The following RNF139 variants were observed in gnomAD, a reference collection of about 807,000 sequenced individuals.
RNF139 encodes E3 ubiquitin-protein ligase RNF139.
RNF139 carries 15 observed loss-of-function variants against 49.5 expected under a neutral mutation model. The observed-to-expected ratio is 0.30, with a 90% CI of 0.20 to 0.47. The LOEUF (loss-of-function observed/expected upper bound fraction) is 0.47. Ranked by LOEUF, RNF139 falls within the 20% of genes least tolerant of loss-of-function variation. The pLI is 1.00. For missense variants in RNF139, 619 were observed against 806.3 expected (o/e 0.77, Z 2.81); for synonymous variants, 325 against 300.9 (o/e 1.08, Z -0.83).
At position 124,486,888 on chromosome 8, in the gene RNF139, C is replaced by T. The variant is rs748223105; in HGVS notation, c.1239C>T (p.His413=). Residue 413 remains histidine (H), a synonymous_variant, in exon 2 of 2, where the codon CAC becomes CAT. Coordinates refer to ENST00000303545, the MANE Select transcript of RNF139 (RefSeq NM_007218.4). The stretch of plus-strand genomic sequence containing the variant: ...TACTCAGTTATGTTCTTTGGCATCA[C>T]TATGCACTAAATACATGGTTGTTTG... The part of the protein sequence containing the change: ...PVLLSYVLWH[H]YALNTWLFAV... 9 of 1,613,852 alleles carry T rather than the reference C, an allele frequency of 5.6e-6. No homozygotes were observed. In the African/African-American group the frequency reaches 1.2e-4, roughly 22 times the overall value.
intron 1 of RNF139, among the ~76,000 whole-genome samples, chr8:124,479,931 G>C (rs909716720): frequency 2.9e-4 from 44 of 151,918 alleles, no homozygotes; most frequent in African/African-American, 1.1e-3. Context: ...GTCACTTCTA[G>C]GTTGAGCAGT....
intron 1 of RNF139, among the ~76,000 whole-genome samples, chr8:124,477,566 T>C (rs1170472210): frequency 6.6e-6 from 1 of 152,220 alleles, no homozygotes; most frequent in Non-Finnish European, 1.5e-5. Context: ...CCCCTCTACC[T>C]ACAAAATGGT....
Position 124,486,974 on chromosome 8 carries a change from C to G in RNF139, c.1325C>G (p.Thr442Arg). The G allele has an allele frequency of 6.2e-7, 1 of 1,613,974 alleles. No individual in the cohort carries two copies. Among genetic ancestry groups the G allele is most frequent in the Non-Finnish European group, 8.5e-7 (1 of 1,179,950 alleles). The part of the protein sequence containing the change: ...LKVIVSLTVY[T>R]LFMIDGYYNV... Reference sequence around the variant, plus strand: ...GTAATTGTTTCTCTCACTGTTTATACGTTATTCATGATTGATGGCTACTAT... The same window carrying G: ...GTAATTGTTTCTCTCACTGTTTATAGGTTATTCATGATTGATGGCTACTAT... The change falls in exon 2 of 2, where the codon ACG becomes AGG. Residue 442 changes from threonine to arginine, a missense_variant. By Grantham distance (71) the Thr-to-Arg change is moderately conservative (BLOSUM62 -1). Around this residue, in one of 2 missense-constraint regions of RNF139, gnomAD observed 530 missense variants for 728.9 expected, o/e 0.73. Transcript: ENST00000303545.
chr8:124,486,965 C>G lies in RNF139; in HGVS notation c.1316C>G (p.Thr439Ser). 1 of 1,614,042 alleles carries G rather than the reference C, an allele frequency of 6.2e-7. No individual in the cohort carries two copies. The highest frequency in any genetic ancestry group is 8.5e-7 in the Non-Finnish European group (1 of 1,179,968). The change falls in exon 2 of 2, where the codon ACT (threonine) becomes AGT (serine). Residue 439 changes from threonine to serine, a missense_variant. Around this residue, in one of 2 missense-constraint regions of RNF139, gnomAD observed 530 missense variants for 728.9 expected, o/e 0.73. Transcript: ENST00000303545. ...ELCLKVIVSLTVYTLFMIDGY... is the reference protein window; with the variant it reads ...ELCLKVIVSLSVYTLFMIDGY... ...TGCTTAAAAGTAATTGTTTCTCTCA[C>G]TGTTTATACGTTATTCATGATTGAT...
chr8:124,488,447 GAAA>G lies in RNF139; in HGVS notation c.*806_*808del. On this transcript the variant is annotated 3_prime_UTR_variant, in exon 2 of 2. Coordinates refer to ENST00000303545, the MANE Select transcript of RNF139 (RefSeq NM_007218.4). ...AAAACATCCTGATCTGATTTTACGA[GAAA>G]AAGAAGGGGAATGGTGGGGAATGGT... The G allele has an allele frequency of 2.1e-6, 1 of 480,194 alleles. No homozygotes were observed. 29.7% of individuals were successfully genotyped at this position (480,194 alleles called of 1,614,324 possible).
chr8:124,486,452 T>C lies in RNF139; in HGVS notation c.803T>C (p.Ile268Thr), dbSNP rs1167801008. Residue 268 changes from isoleucine to threonine, a missense_variant, in exon 2 of 2, where the codon ATT becomes ACT. Ile to Thr is a moderately conservative substitution (Grantham distance 89). This residue lies in a region of RNF139 where 530 missense variants were observed against 728.9 expected (regional missense o/e 0.73). Coordinates refer to ENST00000303545, the MANE Select transcript of RNF139 (RefSeq NM_007218.4). The stretch of plus-strand genomic sequence containing the variant: ...GCAAATGAAACTGATTCCTTCTTTA[T>C]TTCTTGGGATGATTTTTGGGACCTC... Reference protein sequence around the residue: ...RMANETDSFFISWDDFWDLIC... With the variant: ...RMANETDSFFTSWDDFWDLIC... 1 of 1,614,154 alleles carries C rather than the reference T, an allele frequency of 6.2e-7. No homozygotes were observed. Among genetic ancestry groups the C allele is most frequent in the Non-Finnish European group, 8.5e-7 (1 of 1,180,024 alleles).
In RNF139 at chr8:124,474,906, C is replaced by T. The variant is rs1816280297; in HGVS notation, c.-204C>T. ...GAGACCTCCTGGGGAGCCGCCGCCG[C>T]CGCCCTCTCGGCCATCGCTGCCTCC... On this transcript the variant is annotated 5_prime_UTR_variant, in exon 1 of 2. Transcript: ENST00000303545. This position sits in a 1 kb window ranked among gnomAD's most constrained non-coding sequence, Gnocchi z 4.6. 6.0e-6 allele frequency: 2 copies of T among 332,864 alleles called. No individual in the cohort carries two copies. Among genetic ancestry groups the T allele is most frequent in the Admixed American group, 5.0e-5 (1 of 20,156 alleles). The allele number at this position is 332,864 out of a possible 1,614,324, so 20.6% of individuals were successfully genotyped here.
chr8:124,477,002 G>A (rs1245603358), intron 1 of RNF139, among the ~76,000 whole-genome samples: 1 of 152,180 alleles, frequency 6.6e-6, no homozygotes, highest in Non-Finnish European at 1.5e-5. Context: ...CAACTGCTCA[G>A]TGCTTTGGTT....
Position 124,486,365 on chromosome 8 carries a change from G to A in RNF139, c.716G>A (p.Arg239Gln), listed in dbSNP as rs767929334. The A allele has an allele frequency of 3.1e-6, 5 of 1,613,962 alleles. No individual in the cohort carries two copies. The Admixed American group carries it at 5.0e-5, about 16-fold the overall frequency. Reference protein sequence around the residue: ...WKRIRFPDILRVFWLTRVTAQ... With the variant: ...WKRIRFPDILQVFWLTRVTAQ... ...AGGATTCGTTTCCCAGACATACTAC[G>A]AGTCTTTTGGCTAACAAGAGTTACA... The change falls in exon 2 of 2, where the codon CGA (arginine) becomes CAA (glutamine). Residue 239 changes from arginine to glutamine, a missense_variant. Arg to Gln is a conservative substitution (Grantham distance 43, BLOSUM62 1). Transcript: ENST00000303545.
At chr8:124,478,401 G>A (rs972398338) in intron 1 of RNF139, among the ~76,000 whole-genome samples, 1 of 152,004 alleles carries the variant, frequency 6.6e-6, no homozygotes, top group South Asian at 2.1e-4. Flanking sequence ...CAGATTGCTT[G>A]AGGCCAGGAG....
At position 124,475,277 on chromosome 8, in the gene RNF139, C is replaced by T. The variant is rs756664894; in HGVS notation, c.168C>T (p.Phe56=). ...QSRFCIVLQI[F]LRLFGVFASS... is the part of the protein sequence containing the mutation. The stretch of plus-strand genomic sequence containing the variant: ...GGTTCTGCATCGTGCTCCAGATCTT[C>T]CTCCGGCTCTTTGGTAAGGGAACAG... The change falls in exon 1 of 2, where the codon TTC becomes TTT. Residue 56 remains phenylalanine (F), a synonymous_variant. Coordinates refer to ENST00000303545, the MANE Select transcript of RNF139 (RefSeq NM_007218.4). The T allele has an allele frequency of 1.9e-5, 31 of 1,613,018 alleles. No homozygotes were observed. Among genetic ancestry groups the T allele is most frequent in the Non-Finnish European group, 2.6e-5 (31 of 1,179,498 alleles).
chr8:124,477,790 A>G (rs550470485), intron 1 of RNF139, among the ~76,000 whole-genome samples: 1 of 152,352 alleles, frequency 6.6e-6, no homozygotes, highest in African/African-American at 2.4e-5. Flanking sequence ...TCCAAGGCAG[A>G]AAATGCAAGC....
intron 1 of RNF139, among the ~76,000 whole-genome samples, chr8:124,482,943 AATATATATATATATAAT>A (rs1157672585): frequency 2.1e-5 from 2 of 94,602 alleles, no homozygotes; most frequent in Non-Finnish European, 4.1e-5. Flanking sequence ...TATAAAAAAA[AATATATATATATATAAT>A]ATATATATAT....
At chr8:124,485,526 A>G (rs759488675) in intron 1 of RNF139, among the ~76,000 whole-genome samples, 2 of 152,218 alleles carry the variant, frequency 1.3e-5, no homozygotes, top group Non-Finnish European at 2.9e-5. Context: ...TACCACTACA[A>G]ATTCATCTTG....
Position 124,475,309 on chromosome 8 carries a change from G to T in RNF139, c.181+19G>T, listed in dbSNP as rs746648375. ...CTCTTTGGTAAGGGAACAGGGTACC[G>T]TACGTCCCGGGACGGCTATGCGGGC... On this transcript the variant is annotated intron_variant, in intron 1 of 1. Transcript: ENST00000303545. The T allele has an allele frequency of 3.8e-6, 6 of 1,597,458 alleles. No individual in the cohort carries two copies. The East Asian group carries it at 1.2e-4, about 31-fold the overall frequency.
In RNF139 at chr8:124,486,633, T is replaced by C; in HGVS notation, c.984T>C (p.Pro328=). The C allele has an allele frequency of 6.2e-7, 1 of 1,614,190 alleles. No homozygotes were observed. The part of the protein sequence containing the change: ...EDDRRLGFVA[P]VLFFILALQT... ...ACAGGCGTCTTGGCTTTGTTGCACC[T>C]GTTTTATTTTTTATTTTGGCTCTTC... Residue 328 remains proline (P), a synonymous_variant, in exon 2 of 2, where the codon CCT becomes CCC. Transcript: ENST00000303545.
Position 124,482,997 on chromosome 8 carries a change from T to A in RNF139, c.182-2834T>A, listed in dbSNP as rs1449833634. 1.1e-4 allele frequency among the ~76,000 whole-genome samples: 11 copies of A among 101,658 alleles called. No individual in the cohort carries two copies. The East Asian group carries it at 2.8e-3, about 26-fold the overall frequency. 66.7% of individuals were successfully genotyped at this position (101,658 alleles called of 152,430 possible). On this transcript the variant is annotated intron_variant, in intron 1 of 1. Transcript: ENST00000303545. ...ATTTAAATATATATATATTTAAAAA[T>A]ATATATATTAAAAATATATATATAT...
chr8:124,477,115 T>G (rs1443846452), intron 1 of RNF139, among the ~76,000 whole-genome samples: 1 of 152,230 alleles, frequency 6.6e-6, no homozygotes, highest in Non-Finnish European at 1.5e-5. Flanking sequence ...CCATATTTTG[T>G]TAGATATTTT....
Position 124,475,303 on chromosome 8 carries a change from G to T in RNF139, c.181+13G>T, listed in dbSNP as rs1816295062. ...CTCCGGCTCTTTGGTAAGGGAACAG[G>T]GTACCGTACGTCCCGGGACGGCTAT... On this transcript the variant is annotated intron_variant, in intron 1 of 1. Transcript: ENST00000303545. 2.5e-6 allele frequency: 4 copies of T among 1,600,838 alleles called. No homozygotes were observed. The highest frequency in any genetic ancestry group is 3.4e-6 in the Non-Finnish European group (4 of 1,173,182).
Sources: gnomAD v4.1 joint callset for allele counts (sites outside exome capture counted in the v4.1 genomes callset) on GRCh38, gnomAD v4.1.1 for gene constraint, gnomAD v4.1.1 regional missense constraint, Gnocchi (gnomAD v3.1) non-coding constraint, MANE v1.5 for transcripts, NCBI Gene and HGNC (gene_info 2026-07-23, HGNC 2026-07-21) for gene names.